The following ARHGAP26 variants were observed in gnomAD, a reference collection of about 807,000 sequenced individuals.
ARHGAP26 encodes the protein rho GTPase-activating protein 26.
Under a neutral mutation model 104.8 loss-of-function variants are expected in ARHGAP26, and 38 were observed. The observed-to-expected ratio is 0.36, with a 90% confidence interval of 0.28 to 0.48. ARHGAP26 has a LOEUF of 0.48. ARHGAP26 is among the 20% of genes least tolerant of loss of function. The pLI, the probability that ARHGAP26 is intolerant of heterozygous loss-of-function variation, is 0.99. For missense variants in ARHGAP26, 704 were observed against 947.9 expected (o/e 0.74, Z 3.38); for synonymous variants, 341 against 340.0 (o/e 1.00, Z -0.03).
chr5:143,152,042 A>G (rs1237517380), intron 20 of ARHGAP26, among the ~76,000 whole-genome samples: 2 of 152,238 alleles, frequency 1.3e-5, no homozygotes, highest in African/African-American at 2.4e-5. Flanking sequence ...TATGGAATCA[A>G]TAAGAAGATC....
At chr5:142,772,646 TG>T in intron 1 of ARHGAP26, 2 of 461,578 alleles carry the variant, frequency 4.3e-6, no homozygotes, top group Non-Finnish European at 8.7e-6. Flanking sequence ...AAACAGAGAC[TG>T]GGGGAAGCAT....
Position 143,047,596 on chromosome 5 carries a change from C to T in ARHGAP26, c.1285+5706C>T, listed in dbSNP as rs187617390. 1.0e-3 allele frequency among the ~76,000 whole-genome samples: 154 copies of T among 152,318 alleles called. 1 individual carries two copies. Among genetic ancestry groups the T allele is most frequent in the Non-Finnish European group, 7.1e-4 (48 of 68,030 alleles). On this transcript the variant is annotated intron_variant, in intron 14 of 22. Transcript: ENST00000645722. ...GCAAAGTCTGAGGGAGACTATGCTA[C>T]ACCCCACATCTTTGCCATGCTGTGT...
At chr5:143,055,595 C>T (rs543072172) in intron 15 of ARHGAP26, among the ~76,000 whole-genome samples, 1 of 152,174 alleles carries the variant, frequency 6.6e-6, no homozygotes, top group African/African-American at 2.4e-5. Flanking sequence ...GAATTCACCA[C>T]CACAACACCT....
At chr5:142,927,824 T>C (rs1764140572) in intron 10 of ARHGAP26, among the ~76,000 whole-genome samples, 1 of 152,194 alleles carries the variant, frequency 6.6e-6, no homozygotes, top group Non-Finnish European at 1.5e-5. Context: ...TTGCCAGTAT[T>C]GGTTATTGGT....
chr5:142,862,536 C>T (rs1753555778), intron 1 of ARHGAP26, among the ~76,000 whole-genome samples: 1 of 152,190 alleles, frequency 6.6e-6, no homozygotes, highest in Non-Finnish European at 1.5e-5. Context: ...TGAAGAAAGG[C>T]ATAGAACAAG....
At chr5:143,007,752 C>T (rs1341383827) in intron 11 of ARHGAP26, among the ~76,000 whole-genome samples, 2 of 152,216 alleles carry the variant, frequency 1.3e-5, no homozygotes, top group African/African-American at 2.4e-5. Context: ...CGTTTAAACG[C>T]TTAGTATGGT....
intron 17 of ARHGAP26, among the ~76,000 whole-genome samples, chr5:143,083,259 G>A (rs971223086): frequency 4.6e-5 from 7 of 152,192 alleles, no homozygotes; most frequent in Non-Finnish European, 7.4e-5. Context: ...CTAAAATTCC[G>A]GCTGTATTTC....
At chr5:142,919,195 T>A (rs1762878092) in intron 10 of ARHGAP26, 1 of 398,438 alleles carries the variant, frequency 2.5e-6, no homozygotes, top group South Asian at 1.3e-4. Flanking sequence ...GATATTACCA[T>A]TGTCCTTGTA....
intron 11 of ARHGAP26, among the ~76,000 whole-genome samples, chr5:143,000,792 C>G (rs1279609513): frequency 6.6e-6 from 1 of 152,172 alleles, no homozygotes; most frequent in Non-Finnish European, 1.5e-5. Flanking sequence ...AAACCAAATA[C>G]TACATGTTCT....
At chr5:143,139,035 T>C (rs1169081364) in intron 19 of ARHGAP26, among the ~76,000 whole-genome samples, 1 of 152,170 alleles carries the variant, frequency 6.6e-6, no homozygotes, top group Admixed American at 6.5e-5. Flanking sequence ...AACTCTTCCT[T>C]ATCTCCAAGG....
At chr5:142,967,060 G>A (rs1403603592) in intron 11 of ARHGAP26, among the ~76,000 whole-genome samples, 1 of 151,978 alleles carries the variant, frequency 6.6e-6, no homozygotes, top group African/African-American at 2.4e-5. Context: ...TCACACATAC[G>A]TACAAAAACC....
intron 6 of ARHGAP26, among the ~76,000 whole-genome samples, chr5:142,895,747 G>T (rs905739062): frequency 6.6e-6 from 1 of 152,072 alleles, no homozygotes; most frequent in African/African-American, 2.4e-5. Flanking sequence ...CACTTTGAGA[G>T]GCTGAGGCAG....
At chr5:143,097,784 T>C (rs1792609745) in intron 17 of ARHGAP26, among the ~76,000 whole-genome samples, 2 of 138,100 alleles carry the variant, frequency 1.4e-5, no homozygotes, top group South Asian at 4.5e-4. Flanking sequence ...ATTGCGCCAC[T>C]GCATGCCAGC....
chr5:143,074,051 A>G (rs1172175934), intron 17 of ARHGAP26, among the ~76,000 whole-genome samples: 1 of 152,204 alleles, frequency 6.6e-6, no homozygotes, highest in African/African-American at 2.4e-5. Flanking sequence ...ACATTTTAGC[A>G]ATGTAGAAAT....
chr5:142,890,151 A>AAAAAAAAAAAAAAAAAT (rs1252590997), intron 5 of ARHGAP26, among the ~76,000 whole-genome samples: 1 of 32,432 alleles, frequency 3.1e-5, no homozygotes. Context: ...AAAAAAAAAA[A>AAAAAAAAAAAAAAAAAT]ATATATATAT....
At chr5:143,161,466 A>G (rs1246532499) in intron 20 of ARHGAP26, among the ~76,000 whole-genome samples, 1 of 152,166 alleles carries the variant, frequency 6.6e-6, no homozygotes, top group African/African-American at 2.4e-5. Flanking sequence ...TAGTTCTTTC[A>G]CCTGATCTTC....
intron 11 of ARHGAP26, among the ~76,000 whole-genome samples, chr5:143,012,552 C>T (rs6149273): frequency 0.31 from 6,095 of 19,892 alleles, 1,436 homozygotes; most frequent in Middle Eastern, 0.42. Context: ...TACATACATA[C>T]ATATATATAT....
At position 142,976,784 on chromosome 5, in the gene ARHGAP26, T is replaced by C. The variant is rs1021638334; in HGVS notation, c.1108-37296T>C. Among the ~76,000 whole-genome samples, 3 of 152,238 alleles carry C rather than the reference T, an allele frequency of 2.0e-5. No individual in the cohort carries two copies. The South Asian group carries it at 6.2e-4, about 32-fold the overall frequency. On this transcript the variant is annotated intron_variant, in intron 11 of 22. Transcript: ENST00000645722. ...AGCGAGCATATCAACTTAAATAGTA[T>C]GTGAACTAGAGAATTTAGATTTTGA...
intron 12 of ARHGAP26, among the ~76,000 whole-genome samples, chr5:143,029,901 G>A (rs974783052): frequency 6.6e-6 from 1 of 152,016 alleles, no homozygotes. Context: ...AGTTCATGTT[G>A]AGGCTAATTC....
Sources: allele counts gnomAD v4.1 joint callset (sites outside exome capture counted in the v4.1 genomes callset), GRCh38; gene constraint gnomAD v4.1.1; transcripts MANE v1.5; gene names NCBI Gene and HGNC (gene_info 2026-07-23, HGNC 2026-07-21).